The following HMCN1 variants were observed in gnomAD, a reference collection of about 807,000 sequenced individuals.
HMCN1 encodes the protein hemicentin-1.
A neutral mutation model predicts 625.9 loss-of-function variants in HMCN1; 321 were observed. That is an observed-to-expected ratio of 0.51 (90% CI 0.47 to 0.56). HMCN1 has a LOEUF of 0.56. HMCN1 is among the 20% of genes least tolerant of loss of function. The pLI is 0.00. For missense variants in HMCN1, 6,588 were observed against 6,887.3 expected (o/e 0.96, Z 1.54); for synonymous variants, 2,425 against 2,417.6 (o/e 1.00, Z -0.09).
chr1:185,844,281 G>C (rs1369153298), intron 1 of HMCN1, among the ~76,000 whole-genome samples: 1 of 152,204 alleles, frequency 6.6e-6, no homozygotes, highest in Non-Finnish European at 1.5e-5. Flanking sequence ...ATGGAATGCA[G>C]ATGTTTGCAT....
intron 40 of HMCN1, among the ~76,000 whole-genome samples, chr1:186,042,315 A>G (rs1656264148): frequency 6.6e-6 from 1 of 152,160 alleles, no homozygotes; most frequent in African/African-American, 2.4e-5. Flanking sequence ...GAAAGTTTCT[A>G]TTCTAAAATA....
intron 80 of HMCN1, among the ~76,000 whole-genome samples, chr1:186,122,422 A>G (rs2057386): frequency 0.49 from 74,038 of 151,430 alleles, 19,829 homozygotes; most frequent in African/African-American, 0.7. Context: ...GTTTCCAAAT[A>G]AATGGGAAGA....
In HMCN1 at chr1:185,909,737, TGTA is replaced by T. The variant is rs1305598062; in HGVS notation, c.793+233_793+235del. Among the ~76,000 whole-genome samples, 4 of 152,262 alleles carry T rather than the reference TGTA, an allele frequency of 2.6e-5. No homozygotes were observed. The East Asian group carries it at 7.7e-4, about 29-fold the overall frequency. On this transcript the variant is annotated intron_variant, in intron 5 of 106. Transcript: ENST00000271588. ...ACTTCTCGTATTTAAAGAGGTCAGATGTAGTATACTAATTATATTTAAATGATC... is the reference window on the plus strand; with the variant it reads ...ACTTCTCGTATTTAAAGAGGTCAGATGTATACTAATTATATTTAAATGATC...
intron 41 of HMCN1, 62 bp from the exon 42 acceptor site, chr1:186,048,681 A>G (rs1283659788): frequency 1.1e-6 from 1 of 938,404 alleles, no homozygotes; most frequent in Non-Finnish European, 1.8e-6. Flanking sequence ...CACAAATAGT[A>G]TTAATTAAAA....
At chr1:185,813,312 T>C (rs1371203320) in intron 1 of HMCN1, among the ~76,000 whole-genome samples, 1 of 152,134 alleles carries the variant, frequency 6.6e-6, no homozygotes, top group East Asian at 1.9e-4. Flanking sequence ...ACCAATTATA[T>C]TGCCATTCCT....
intron 4 of HMCN1, among the ~76,000 whole-genome samples, chr1:185,884,290 C>G (rs932869316): frequency 6.6e-6 from 1 of 151,864 alleles, no homozygotes; most frequent in Non-Finnish European, 1.5e-5. Context: ...AAGTGGTTCT[C>G]TCTTAACCTC....
intron 2 of HMCN1, among the ~76,000 whole-genome samples, chr1:185,849,126 C>T (rs1435616670): frequency 6.6e-6 from 1 of 152,030 alleles, no homozygotes; most frequent in African/African-American, 2.4e-5. Flanking sequence ...ACCTTTCATT[C>T]CCATCTAGTG....
chr1:186,036,700 C>T (rs1375262320), intron 36 of HMCN1, among the ~76,000 whole-genome samples: 5 of 151,884 alleles, frequency 3.3e-5, no homozygotes, highest in Admixed American at 6.6e-5. Context: ...AAGCGATTCT[C>T]CTGTCTCACC....
intron 16 of HMCN1, 34 bp downstream of exon 16, chr1:185,978,015 G>A: frequency 1.4e-6 from 2 of 1,409,194 alleles, no homozygotes; most frequent in Non-Finnish European, 2.0e-6. Context: ...GTACGAATAT[G>A]TACTTTTATG....
At chr1:186,189,471 T>C (rs1032681698) in intron 106 of HMCN1, 41 bp from the exon 107 acceptor site, 4 of 1,608,792 alleles carry the variant, frequency 2.5e-6, no homozygotes, top group Non-Finnish European at 3.4e-6. Flanking sequence ...TCCTCCTACT[T>C]CCAGATAACT....
intron 4 of HMCN1, among the ~76,000 whole-genome samples, chr1:185,904,069 A>G (rs1049398324): frequency 6.6e-6 from 1 of 151,858 alleles, no homozygotes; most frequent in Non-Finnish European, 1.5e-5. Context: ...AAGGGGATTC[A>G]TGGCTTTAAA....
intron 1 of HMCN1, among the ~76,000 whole-genome samples, chr1:185,757,185 C>A (rs1352513109): frequency 6.6e-6 from 1 of 152,150 alleles, no homozygotes; most frequent in Non-Finnish European, 1.5e-5. Context: ...GTTGACCACG[C>A]TGGTCTTGAA....
At chr1:186,054,134 T>A in intron 44 of HMCN1, 148 bp downstream of exon 44, 1 of 852,024 alleles carries the variant, frequency 1.2e-6, no homozygotes, top group Non-Finnish European at 1.9e-6. Flanking sequence ...TGTGCTGACA[T>A]AACTGGAGAG....
chr1:185,797,224 T>C (rs1373923954), intron 1 of HMCN1, among the ~76,000 whole-genome samples: 1 of 152,228 alleles, frequency 6.6e-6, no homozygotes, highest in Non-Finnish European at 1.5e-5. Flanking sequence ...TTGAATTCCT[T>C]GTAGATTCTG....
intron 2 of HMCN1, among the ~76,000 whole-genome samples, 161 bp from the exon 3 acceptor site, chr1:185,864,309 A>T (rs1357772752): frequency 6.6e-6 from 1 of 152,170 alleles, no homozygotes; most frequent in African/African-American, 2.4e-5. Flanking sequence ...AGTTCATATC[A>T]CTTTACATAT....
intron 65 of HMCN1, 107 bp downstream of exon 65, chr1:186,093,365 G>A: frequency 6.3e-7 from 1 of 1,580,300 alleles, no homozygotes; most frequent in Non-Finnish European, 8.7e-7. Context: ...TAAATTTGAT[G>A]CCACCACTAT....
At chr1:186,063,481 GGA>G (rs1657904737) in intron 48 of HMCN1, among the ~76,000 whole-genome samples, 1 of 144,472 alleles carries the variant, frequency 6.9e-6, no homozygotes, top group Non-Finnish European at 1.5e-5. Flanking sequence ...AAGGAAGGAA[GGA>G]AGGAAGGAAG....
intron 11 of HMCN1, among the ~76,000 whole-genome samples, chr1:185,948,572 G>A (rs1325067506): frequency 3.3e-5 from 5 of 151,224 alleles, no homozygotes; most frequent in Non-Finnish European, 2.9e-5. Context: ...GGCAAGGACC[G>A]GCCATTTACA....
intron 29 of HMCN1, among the ~76,000 whole-genome samples, chr1:186,004,170 G>A (rs1247063238): frequency 6.6e-6 from 1 of 152,118 alleles, no homozygotes; most frequent in Non-Finnish European, 1.5e-5. Flanking sequence ...ACATTGAACT[G>A]TCTTATTAAA....
Sources: allele counts gnomAD v4.1 joint callset (sites outside exome capture counted in the v4.1 genomes callset), GRCh38; gene constraint gnomAD v4.1.1; transcripts MANE v1.5; gene names NCBI Gene and HGNC (gene_info 2026-07-23, HGNC 2026-07-21).